CHRNE: variants seen among roughly 807,000 people sequenced by gnomAD.
CHRNE encodes cholinergic receptor nicotinic epsilon subunit, also known as acetylcholine receptor subunit epsilon.
CHRNE carries 58 observed loss-of-function variants against 56.5 expected under a neutral mutation model. The observed-to-expected ratio is 1.03, with a 90% CI of 0.83 to 1.28. The LOEUF (loss-of-function observed/expected upper bound fraction) is 1.28. CHRNE is among the 50% of genes most tolerant of loss of function. The probability of loss-of-function intolerance (pLI) is 0.00; values close to 1 mark genes in which losing one functional copy is unlikely to be tolerated. For synonymous variants in CHRNE, 385 were observed against 297.9 expected (o/e 1.29, Z -3.01); for missense variants, 793 against 688.9 (o/e 1.15, Z -1.69).
intron 8 of CHRNE, chr17:4,900,345 G>A (rs1177891819): frequency 1.4e-5 from 21 of 1,546,946 alleles, no homozygotes; most frequent in South Asian, 6.0e-5. Flanking sequence ...AGCCCAAGCC[G>A]CAGGGCAGGG....
At chr17:4,900,057 G>A in intron 8 of CHRNE, 2 of 1,551,240 alleles carry the variant, frequency 1.3e-6, no homozygotes, top group Non-Finnish European at 1.7e-6. Context: ...AAGATGCAGG[G>A]GATGCTGCCT....
At chr17:4,899,687 G>C in intron 8 of CHRNE, 105 bp from the exon 9 acceptor site, 1 of 1,454,366 alleles carries the variant, frequency 6.9e-7, no homozygotes, top group Non-Finnish European at 9.4e-7. Flanking sequence ...GGCTGGTTAC[G>C]CCCTCCAGCT....
chr17:4,902,880 T>C lies in CHRNE; in HGVS notation c.47-117A>G. 6.3e-7 allele frequency: 1 copy of C among 1,581,870 alleles called. No individual in the cohort carries two copies. The highest frequency in any genetic ancestry group is 2.2e-5 in the East Asian group (1 of 44,702). ...TGAGGCTGTGTACTATCAGTATCTG[T>C]CTCCTAAACCAATTATGCTGTGCCT... On this transcript the variant is annotated intron_variant, in intron 1 of 11. Coordinates refer to ENST00000649488, the MANE Select transcript of CHRNE (RefSeq NM_000080.4). This position sits in a 1 kb window ranked among gnomAD's most constrained non-coding sequence, Gnocchi z 4.0.
chr17:4,905,481 C>A (rs1970081456), upstream of CHRNE, among the ~76,000 whole-genome samples: 1 of 152,276 alleles, frequency 6.6e-6, no homozygotes. Context: ...GGGAGGATTG[C>A]TTGACCCTAA....
At chr17:4,899,425 A>T (rs1257702215) in intron 9 of CHRNE, 41 bp from the exon 10 acceptor site, 1 of 1,548,068 alleles carries the variant, frequency 6.5e-7, no homozygotes, top group Non-Finnish European at 8.7e-7. Context: ...GTTAGTACGA[A>T]GCCCCACCCC....
At position 4,899,323 on chromosome 17, in the gene CHRNE, GC is replaced by G. The variant is rs886043239; in HGVS notation, c.1093del (p.Ala365ProfsTer20). The G allele has an allele frequency of 1.9e-6, 3 of 1,562,280 alleles. No individual in the cohort carries two copies. Among genetic ancestry groups the G allele is most frequent in the Admixed American group, 1.9e-5 (1 of 53,414 alleles). On this transcript the variant is annotated frameshift_variant, in exon 10 of 12. Transcript: ENST00000649488. LOFTEE classifies it high-confidence loss of function. Reference protein sequence around the residue: ...GSPPPPEAPRAASPPRRASSV... With the variant: ...GSPPPPEAPRXASPPRRASSV... ...CGACGCCCGCCTTGGGGGCGAGGCG[GC>G]CCGGGGGGCCTCGGGCGGCGGCGGG...
chr17:4,901,630 G>A lies in CHRNE; in HGVS notation c.501-5C>T, dbSNP rs766711118. On this transcript the variant is annotated splice_polypyrimidine_tract_variant and splice_region_variant and intron_variant, in intron 5 of 11. Transcript: ENST00000649488. Reference sequence around the variant, plus strand: ...TCGGCATTGTACGTCTGAGAGCTGCGGAGCCAGGGCCGGGAGCCCACCCCA... The same window carrying A: ...TCGGCATTGTACGTCTGAGAGCTGCAGAGCCAGGGCCGGGAGCCCACCCCA... The A allele has an allele frequency of 2.2e-5, 35 of 1,613,608 alleles. No homozygotes were observed. The highest frequency in any genetic ancestry group is 2.0e-4 in the South Asian group (18 of 91,076).
At chr17:4,899,966 C>G (rs1041242134) in intron 8 of CHRNE, 7 of 1,551,354 alleles carry the variant, frequency 4.5e-6, no homozygotes, top group African/African-American at 4.1e-5. Flanking sequence ...TCTGTCTTCC[C>G]TGGAACTCTC....
rs773865411 is a variant in CHRNE, at chr17:4,899,506, T to A, written c.994A>T (p.Thr332Ser). Residue 332 changes from threonine (T) to serine (S), a missense_variant, in exon 9 of 12, where the codon ACG becomes TCG. Transcript: ENST00000649488. ...CVIVLNVSQR[T>S]PTTHAMSPRL... ...GGGGACATGGCGTGGGTGGTGGGCGTCCGCTGGGACACGTTGAGCACGATG... is the reference window on the plus strand; with the variant it reads ...GGGGACATGGCGTGGGTGGTGGGCGACCGCTGGGACACGTTGAGCACGATG... The A allele has an allele frequency of 6.2e-7, 1 of 1,603,152 alleles. No homozygotes were observed. Among genetic ancestry groups the A allele is most frequent in the Admixed American group, 1.7e-5 (1 of 58,698 alleles).
At position 4,898,884 on chromosome 17, in the gene CHRNE, G is replaced by A. The variant is rs756483707; in HGVS notation, c.1334C>T (p.Ser445Phe). 6.3e-7 allele frequency: 1 copy of A among 1,579,120 alleles called. No individual in the cohort carries two copies. Among genetic ancestry groups the A allele is most frequent in the Non-Finnish European group, 8.6e-7 (1 of 1,162,914 alleles). The change falls in exon 12 of 12, where the codon TCC becomes TTC. Residue 445 changes from serine (S) to phenylalanine (F), a missense_variant. Physicochemically the swap from Ser to Phe is radical, Grantham distance 155 (BLOSUM62 -2). Coordinates refer to ENST00000649488, the MANE Select transcript of CHRNE (RefSeq NM_000080.4). ...GGCATTCCCCATGCGCACCCAGTCG[G>A]ACACTTCCTGGGGAAGGGTCGGCAC... The part of the protein sequence containing the change: ...RDQEATGEEV[S>F]DWVRMGNALD...
Position 4,898,620 on chromosome 17 carries a change from A to T in CHRNE, c.*116T>A. On this transcript the variant is annotated 3_prime_UTR_variant, in exon 12 of 12. Transcript: ENST00000649488. ...GGCACACACCATTCTTGTGAAGTTC[A>T]CAAACTGCAGATTGATCAGCAGGGG... 1 of 1,396,906 alleles carries T rather than the reference A, an allele frequency of 7.2e-7. No individual in the cohort carries two copies. 86.5% of individuals were successfully genotyped at this position (1,396,906 alleles called of 1,614,324 possible). A position where few individuals can be genotyped will look rare whatever the true frequency, so the allele number is the denominator to read the frequency against.
chr17:4,901,878 C>T (rs1479540233), intron 5 of CHRNE, 54 bp downstream of exon 5: 23 of 1,475,888 alleles, frequency 1.6e-5, no homozygotes, highest in Non-Finnish European at 1.6e-5. Context: ...GGCCCCGCCC[C>T]ATAAGGCCCC....
rs533993446 is a variant in CHRNE, at chr17:4,900,393, C to T, written c.917+400G>A. The T allele has an allele frequency of 9.0e-6, 14 of 1,550,208 alleles. No individual in the cohort carries two copies. In the African/African-American group the frequency reaches 1.1e-4, roughly 12 times the overall value. On this transcript the variant is annotated intron_variant, in intron 8 of 11. Transcript: ENST00000649488. ...TGGGGCTGCGGTGGGCGCCAGCGCCCGGCTCCTAGTCCAGGGAGCATGGCT... is the reference window on the plus strand; with the variant it reads ...TGGGGCTGCGGTGGGCGCCAGCGCCTGGCTCCTAGTCCAGGGAGCATGGCT...
chr17:4,899,425 A>G (rs1257702215), intron 9 of CHRNE, 41 bp from the exon 10 acceptor site: 2 of 1,548,066 alleles, frequency 1.3e-6, no homozygotes, highest in Non-Finnish European at 1.7e-6. Flanking sequence ...GTTAGTACGA[A>G]GCCCCACCCC....
In CHRNE at chr17:4,899,258, T is replaced by TC. The variant is rs2151094540; in HGVS notation, c.1158dup (p.Lys387GlufsTer10). The TC allele has an allele frequency of 3.1e-6, 5 of 1,605,228 alleles. No individual in the cohort carries two copies. Among genetic ancestry groups the TC allele is most frequent in the Non-Finnish European group, 4.2e-6 (5 of 1,179,068 alleles). ...AACACGAGCTCGCTCCGTGGCTTTT[T>TC]CAGTATCAGCTCCTCCGCGCGGAGC... On this transcript the variant is annotated frameshift_variant, in exon 10 of 12. Coordinates refer to ENST00000649488, the MANE Select transcript of CHRNE (RefSeq NM_000080.4). LOFTEE classifies it high-confidence loss of function.
At chr17:4,900,311 T>G (rs1969937777) in intron 8 of CHRNE, 1 of 1,545,350 alleles carries the variant, frequency 6.5e-7, no homozygotes, top group South Asian at 1.2e-5. Flanking sequence ...ACGGCAGGGA[T>G]CCGGGTGCAG....
Position 4,902,326 on chromosome 17 carries a change from C to G in CHRNE, c.235G>C (p.Asp79His), listed in dbSNP as rs1200020913. The change falls in exon 4 of 12, where the codon GAT becomes CAT. Residue 79 changes from aspartate to histidine, a missense_variant and splice_region_variant. Transcript: ENST00000649488. This position sits in a 1 kb window ranked among gnomAD's most constrained non-coding sequence, Gnocchi z 4.0. ...TLTTSVWIGI[D>H]WQDYRLNYSK... Reference sequence around the variant, plus strand: ...TAGTTGAGTCGGTAATCCTGCCAATCCTAAGGGGTGGGGGATGGAAGGCCG... The same window carrying G: ...TAGTTGAGTCGGTAATCCTGCCAATGCTAAGGGGTGGGGGATGGAAGGCCG... 2.5e-6 allele frequency: 4 copies of G among 1,614,054 alleles called. No homozygotes were observed. In the Admixed American group the frequency reaches 5.0e-5, roughly 20 times the overall value.
chr17:4,901,879 A>T, intron 5 of CHRNE, 53 bp downstream of exon 5: 2 of 805,958 alleles, frequency 2.5e-6, no homozygotes, highest in Non-Finnish European at 4.1e-6. Flanking sequence ...GCCCCGCCCC[A>T]TAAGGCCCCC....
At position 4,902,207 on chromosome 17, in the gene CHRNE, C is replaced by G; in HGVS notation, c.344+10G>C. ...CTTCCCTCCAGCCTGGCGTCTGGCC[C>G]GGTTCTCACTTGTTTTCCAGCACAA... On this transcript the variant is annotated intron_variant, in intron 4 of 11. Coordinates refer to ENST00000649488, the MANE Select transcript of CHRNE (RefSeq NM_000080.4). This position sits in a 1 kb window ranked among gnomAD's most constrained non-coding sequence, Gnocchi z 4.0. 1 of 1,613,892 alleles carries G rather than the reference C, an allele frequency of 6.2e-7. No individual in the cohort carries two copies.
Sources: allele counts gnomAD v4.1 joint callset (sites outside exome capture counted in the v4.1 genomes callset), GRCh38; gene constraint gnomAD v4.1.1; non-coding constraint Gnocchi (gnomAD v3.1); transcripts MANE v1.5; gene names NCBI Gene and HGNC (gene_info 2026-07-23, HGNC 2026-07-21).